The following EGF variants were observed in gnomAD, a reference collection of about 807,000 sequenced individuals.
EGF encodes pro-epidermal growth factor.
EGF carries 95 observed loss-of-function variants against 143.8 expected under a neutral mutation model. That is an observed-to-expected ratio of 0.66 (90% CI 0.56 to 0.78). The LOEUF (loss-of-function observed/expected upper bound fraction) is 0.78, where lower values mean the gene tolerates loss of function less well. Among genes scored for constraint, EGF ranks in the 30% least tolerant of loss-of-function variants. The pLI, the probability that EGF is intolerant of heterozygous loss-of-function variation, is 0.00. For missense variants in EGF, 1,320 were observed against 1,470.9 expected (o/e 0.90, Z 1.68); for synonymous variants, 510 against 510.5 (o/e 1.00, Z 0.01).
intron 1 of EGF, among the ~76,000 whole-genome samples, chr4:109,921,086 C>T (rs958572460): frequency 7.3e-5 from 11 of 151,690 alleles, no homozygotes; most frequent in South Asian, 4.1e-4. Flanking sequence ...AAAGATCTTA[C>T]TATCTCTGAA....
chr4:109,922,014 G>A (rs1737888714), intron 1 of EGF, among the ~76,000 whole-genome samples: 1 of 151,450 alleles, frequency 6.6e-6, no homozygotes, highest in African/African-American at 2.5e-5. Flanking sequence ...GGGTCTTCTG[G>A]TGTTTTTCTC....
chr4:110,005,573 C>T (rs1238573932), intron 22 of EGF, among the ~76,000 whole-genome samples: 1 of 151,962 alleles, frequency 6.6e-6, no homozygotes, highest in African/African-American at 2.4e-5. Flanking sequence ...AGATATTTTC[C>T]GAAAAGCACA....
At chr4:110,010,744 C>G (rs1753888822) in intron 23 of EGF, among the ~76,000 whole-genome samples, 1 of 152,206 alleles carries the variant, frequency 6.6e-6, no homozygotes, top group Non-Finnish European at 1.5e-5. Context: ...AGCCCCTGCA[C>G]TGGCCTATTT....
At chr4:109,971,438 C>T (rs1682306142) in intron 11 of EGF, among the ~76,000 whole-genome samples, 2 of 152,162 alleles carry the variant, frequency 1.3e-5, no homozygotes, top group South Asian at 4.1e-4. Flanking sequence ...TGGCAGATGT[C>T]AACCACTCTC....
chr4:110,011,484 G>T lies in EGF; in HGVS notation c.*29G>T. ...CTGGAATTAAAAGGAAAGTCAAGAA[G>T]AATGAACTATGTCGATGCACAGTAT... On this transcript the variant is annotated 3_prime_UTR_variant, in exon 24 of 24. Coordinates refer to ENST00000265171, the MANE Select transcript of EGF (RefSeq NM_001963.6). The T allele has an allele frequency of 1.9e-6, 3 of 1,614,138 alleles. No homozygotes were observed. Among genetic ancestry groups the T allele is most frequent in the Middle Eastern group, 1.7e-4 (1 of 6,052 alleles).
At chr4:109,963,064 CAAAAAA>C in intron 8 of EGF, 103 bp from the exon 9 acceptor site, 1 of 1,119,232 alleles carries the variant, frequency 8.9e-7, no homozygotes, top group Non-Finnish European at 1.3e-6. Context: ...AACTCCATCT[CAAAAAA>C]AAAAAAAAAA....
rs536149216 is a variant in EGF at position 109,968,680 on chromosome 4, C to CTATG, written c.1576-288_1576-287insGTAT. The CTATG allele has an allele frequency of 4.6e-3, 1,636 of 352,396 alleles. 23 individuals carry two copies. The highest frequency in any genetic ancestry group is 0.037 in the African/African-American group (1,552 of 42,490). 21.8% of individuals were successfully genotyped at this position (352,396 alleles called of 1,614,324 possible). On this transcript the variant is annotated intron_variant, in intron 10 of 23. Transcript: ENST00000265171. ...TATATTTATATCTATATACATCTAT[C>CTATG]TATCTATCTATCTATCTATCTATCT...
rs1444488637 is a variant in EGF, at chr4:110,008,114, T to C, written c.3292-38T>C. ...GTACGTTGAGATAATTTGTGAATTT[T>C]AACAATATCCTCTCTCCCTCCTTTT... On this transcript the variant is annotated intron_variant, in intron 22 of 23. Transcript: ENST00000265171. The C allele has an allele frequency of 3.2e-6, 5 of 1,576,884 alleles. No individual in the cohort carries two copies. The South Asian group carries it at 5.5e-5, about 17-fold the overall frequency.
chr4:110,009,821 T>C lies in EGF; in HGVS notation c.3371-1381T>C, dbSNP rs577069619. Among the ~76,000 whole-genome samples the C allele has an allele frequency of 2.6e-4, 39 of 152,318 alleles. No individual in the cohort carries two copies. In the South Asian group the frequency reaches 5.4e-3, roughly 21 times the overall value. On this transcript the variant is annotated intron_variant, in intron 23 of 23. Coordinates refer to ENST00000265171, the MANE Select transcript of EGF (RefSeq NM_001963.6). ...AAAACTCATTACAACACAATACTAG[T>C]GTAGTTCCATAAAACCATCTTCACT...
chr4:109,973,997 T>C (rs1227679566), intron 11 of EGF, among the ~76,000 whole-genome samples: 2 of 151,982 alleles, frequency 1.3e-5, no homozygotes, highest in Non-Finnish European at 2.9e-5. Context: ...TTAAATTAAA[T>C]TAAAAATAAG....
intron 2 of EGF, among the ~76,000 whole-genome samples, chr4:109,942,917 G>T (rs1742164766): frequency 6.6e-6 from 1 of 152,184 alleles, no homozygotes; most frequent in South Asian, 2.1e-4. Flanking sequence ...AACTGAATAA[G>T]CTGTCTGTAT....
intron 5 of EGF, among the ~76,000 whole-genome samples, chr4:109,957,205 A>G (rs558834347): frequency 5.3e-5 from 8 of 152,316 alleles, no homozygotes; most frequent in Non-Finnish European, 1.0e-4. Flanking sequence ...GCCCCAACAG[A>G]CCAAACCAAA....
intron 8 of EGF, 147 bp downstream of exon 8, chr4:109,962,132 T>A: frequency 7.2e-7 from 1 of 1,394,846 alleles, no homozygotes; most frequent in South Asian, 1.3e-5. Context: ...TTAACATAGA[T>A]TTAAATTTAG....
chr4:109,990,247 G>A (rs1356837039), intron 18 of EGF, among the ~76,000 whole-genome samples: 2 of 152,160 alleles, frequency 1.3e-5, no homozygotes, highest in African/African-American at 4.8e-5. Context: ...GGATGAGGAA[G>A]GTAGTCTTTG....
At position 109,992,713 on chromosome 4, in the gene EGF, A is replaced by T. The variant is rs965828561; in HGVS notation, c.2735-534A>T. On this transcript the variant is annotated intron_variant, in intron 18 of 23. Coordinates refer to ENST00000265171, the MANE Select transcript of EGF (RefSeq NM_001963.6). ...GAACCAACCCAAATGTCCAACAATG[A>T]TAGACTGGATTAAGAAAATGTGGCA... 2.6e-5 allele frequency among the ~76,000 whole-genome samples: 4 copies of T among 152,054 alleles called. No homozygotes were observed. The East Asian group carries it at 7.7e-4, about 29-fold the overall frequency.
intron 16 of EGF, among the ~76,000 whole-genome samples, chr4:109,985,711 T>G (rs1281113875): frequency 6.6e-6 from 1 of 152,220 alleles, no homozygotes; most frequent in Non-Finnish European, 1.5e-5. Flanking sequence ...TTGATCACAT[T>G]CATCACACTG....
At chr4:109,963,378 A>C in intron 9 of EGF, 80 bp downstream of exon 9, 1 of 1,584,818 alleles carries the variant, frequency 6.3e-7, no homozygotes, top group Non-Finnish European at 8.7e-7. Flanking sequence ...TGGAAAGTTA[A>C]CTGCTTATGG....
At chr4:109,951,171 T>TAAAAC (rs1463927113) in intron 5 of EGF, among the ~76,000 whole-genome samples, 1 of 149,240 alleles carries the variant, frequency 6.7e-6, no homozygotes, top group Non-Finnish European at 1.5e-5. Context: ...TAAAATAAAA[T>TAAAAC]AAAATAAAAT....
chr4:109,921,352 A>G (rs183843039), intron 1 of EGF, among the ~76,000 whole-genome samples: 17 of 150,544 alleles, frequency 1.1e-4, no homozygotes, highest in African/African-American at 4.0e-4. Flanking sequence ...TGGTGTGAGC[A>G]TCTGTTTTTT....
Sources: allele counts gnomAD v4.1 joint callset (sites outside exome capture counted in the v4.1 genomes callset), GRCh38; gene constraint gnomAD v4.1.1; transcripts MANE v1.5; gene names NCBI Gene and HGNC (gene_info 2026-07-23, HGNC 2026-07-21).